The following NEMF variants were observed in gnomAD, a reference collection of about 807,000 sequenced individuals.
NEMF encodes ribosome quality control complex subunit NEMF.
A neutral mutation model predicts 162.2 loss-of-function variants in NEMF; 89 were observed. The observed-to-expected ratio is 0.55, with a 90% CI of 0.46 to 0.65. The LOEUF is 0.65. NEMF is among the 30% of genes least tolerant of loss of function. NEMF has a pLI of 0.00. For missense variants in NEMF, 1,133 were observed against 1,261.9 expected, an observed-to-expected ratio of 0.90 and a Z score of 1.55; for synonymous variants, 421 against 404.5, an observed-to-expected ratio of 1.04 and a Z score of -0.49.
intron 23 of NEMF, 58 bp downstream of exon 23, chr14:49,800,362 T>C: frequency 8.4e-7 from 1 of 1,190,350 alleles, no homozygotes; most frequent in Non-Finnish European, 1.2e-6. Flanking sequence ...TTGTAAGGAT[T>C]ACCTCATCAT....
chr14:49,798,884 G>A (rs543117421), intron 25 of NEMF, among the ~76,000 whole-genome samples: 16 of 152,034 alleles, frequency 1.1e-4, no homozygotes, highest in African/African-American at 3.9e-4. Context: ...TCCAGCCTGG[G>A]CGACAGAGCG....
chr14:49,818,083 A>T (rs1594765450), intron 16 of NEMF, among the ~76,000 whole-genome samples: 1 of 147,818 alleles, frequency 6.8e-6, no homozygotes, highest in Admixed American at 6.8e-5. Flanking sequence ...AAGTGATGAG[A>T]CTTTTTTTTT....
intron 4 of NEMF, among the ~76,000 whole-genome samples, chr14:49,844,227 T>C (rs1049714398): frequency 3.3e-5 from 5 of 152,148 alleles, no homozygotes; most frequent in Admixed American, 3.3e-4. Flanking sequence ...CGGATGAAAC[T>C]GTTCCACCTC....
At chr14:49,839,757 A>C (rs538001559) in intron 5 of NEMF, 1 of 152,246 alleles carries the variant, frequency 6.6e-6, no homozygotes, top group African/African-American at 2.4e-5. Context: ...TACTAAAATT[A>C]GAACGAAACA....
chr14:49,815,768 T>C (rs1322469511), intron 16 of NEMF, among the ~76,000 whole-genome samples: 1 of 151,950 alleles, frequency 6.6e-6, no homozygotes, highest in Non-Finnish European at 1.5e-5. Context: ...ATCGAGACCA[T>C]CCCGGTTAAC....
In NEMF at chr14:49,787,342, C is replaced by T. The variant is rs1890223601; in HGVS notation, c.2896-592G>A. Among the ~76,000 whole-genome samples, 6 of 152,158 alleles carry T rather than the reference C, an allele frequency of 3.9e-5. 1 individual carries two copies. The South Asian group carries it at 1.2e-3, about 32-fold the overall frequency. ...TTACAGTTCTGAAGGCTGGGAAGTC[C>T]AGCATCAAGGCACCAGCAGATTCAA... is the stretch of plus-strand genomic sequence containing the variant. On this transcript the variant is annotated intron_variant, in intron 28 of 32. Coordinates refer to ENST00000298310, the MANE Select transcript of NEMF (RefSeq NM_004713.6).
chr14:49,820,416 C>T (rs574922775), intron 16 of NEMF: 5 of 456,736 alleles, frequency 1.1e-5, no homozygotes, highest in Non-Finnish European at 2.2e-5. Context: ...CTGGTCACTG[C>T]ATGACTTCGC....
chr14:49,785,437 T>C, intron 29 of NEMF, 117 bp from the exon 30 acceptor site: 1 of 699,964 alleles, frequency 1.4e-6, no homozygotes, highest in East Asian at 2.7e-5. Context: ...ATACATACCA[T>C]CTAAGCTGGA....
chr14:49,813,917 T>C (rs1891601023), intron 18 of NEMF, 71 bp downstream of exon 18: 4 of 902,126 alleles, frequency 4.4e-6, no homozygotes, highest in Non-Finnish European at 7.3e-6. Flanking sequence ...TATTAAATTT[T>C]TGTCTTACAG....
intron 4 of NEMF, chr14:49,844,977 C>G: frequency 5.1e-6 from 1 of 194,696 alleles, no homozygotes; most frequent in South Asian, 6.8e-5. Context: ...CCACATTGGG[C>G]AGGCTGGTCT....
intron 18 of NEMF, among the ~76,000 whole-genome samples, chr14:49,806,618 T>C (rs1289987724): frequency 6.7e-6 from 1 of 148,770 alleles, no homozygotes; most frequent in Non-Finnish European, 1.5e-5. Context: ...AAAAAGTTAC[T>C]ATTTTAATTA....
At chr14:49,831,398 G>A in intron 10 of NEMF, 37 bp from the exon 11 acceptor site, 1 of 1,243,990 alleles carries the variant, frequency 8.0e-7, no homozygotes, top group East Asian at 2.3e-5. Flanking sequence ...GGAAAAAAAA[G>A]CACAGTCTCT....
chr14:49,828,563 C>A, intron 14 of NEMF, 53 bp downstream of exon 14: 2 of 1,374,268 alleles, frequency 1.5e-6, no homozygotes, highest in South Asian at 1.4e-5. Flanking sequence ...TCCTTAATTC[C>A]TTAATTTATT....
At chr14:49,803,184 G>A in intron 20 of NEMF, 53 bp downstream of exon 20, 3 of 1,238,248 alleles carry the variant, frequency 2.4e-6, no homozygotes, top group South Asian at 2.5e-5. Flanking sequence ...TCTCAAACCT[G>A]TCTCCATAAT....
At chr14:49,806,165 A>G (rs773899207) in intron 18 of NEMF, 32 bp from the exon 19 acceptor site, 2 of 1,516,704 alleles carry the variant, frequency 1.3e-6, no homozygotes, top group Admixed American at 3.5e-5. Context: ...TTTCAATACC[A>G]AAGTATGGAC....
chr14:49,838,408 T>C (rs1385953768), intron 5 of NEMF, among the ~76,000 whole-genome samples: 1 of 152,180 alleles, frequency 6.6e-6, no homozygotes. Flanking sequence ...ATGGCAGTTT[T>C]CTAAGATAAA....
In NEMF at chr14:49,846,142, T is replaced by C. The variant is rs199994624; in HGVS notation, c.355A>G (p.Arg119Gly). Residue 119 changes from arginine (R) to glycine (G), a missense_variant and splice_region_variant, in exon 4 of 33, where the codon AGG becomes GGG. Transcript: ENST00000298310. ...CATATCCCACAAATTTAACTTACCC[T>C]ATCATAGAGCTCAATGATTAAATGG... ...AYHLIIELYD[R>G]GNIVLTDYEY... 1.9e-6 allele frequency: 3 copies of C among 1,612,222 alleles called. No homozygotes were observed. Among genetic ancestry groups the C allele is most frequent in the Non-Finnish European group, 1.7e-6 (2 of 1,179,148 alleles).
chr14:49,791,207 T>A lies in NEMF; in HGVS notation c.2620-1634A>T, dbSNP rs143164396. Among the ~76,000 whole-genome samples the A allele has an allele frequency of 1.8e-3, 276 of 151,794 alleles. 1 individual carries two copies. Among genetic ancestry groups the A allele is most frequent in the Admixed American group, 2.2e-3 (34 of 15,242 alleles). The stretch of plus-strand genomic sequence containing the variant: ...AAAATTAGCTGGGTGTGGTGGCGTG[T>A]GCCTGTAGTGCCAGCTACTCAGGAG... On this transcript the variant is annotated intron_variant, in intron 26 of 32. Coordinates refer to ENST00000298310, the MANE Select transcript of NEMF (RefSeq NM_004713.6).
At chr14:49,806,421 C>G (rs1347339415) in intron 18 of NEMF, among the ~76,000 whole-genome samples, 1 of 149,818 alleles carries the variant, frequency 6.7e-6, no homozygotes, top group Non-Finnish European at 1.5e-5. Flanking sequence ...CCACCATGCC[C>G]GGCTAAATTT....
Sources: gnomAD v4.1 joint callset for allele counts (sites outside exome capture counted in the v4.1 genomes callset) on GRCh38, gnomAD v4.1.1 for gene constraint, MANE v1.5 for transcripts, NCBI Gene and HGNC (gene_info 2026-07-23, HGNC 2026-07-21) for gene names.